MME: variants seen among roughly 807,000 people sequenced by gnomAD.
The protein encoded by MME is membrane metalloendopeptidase.
Under a neutral mutation model 113.2 loss-of-function variants are expected in MME, and 98 were observed. The ratio of observed to expected loss-of-function variants is 0.87; its 90% CI spans 0.74 to 1.02. MME has a LOEUF of 1.02. Among genes scored for constraint, MME ranks in the 50% least tolerant of loss-of-function variants. MME has a pLI of 0.00. For synonymous variants in MME, 292 were observed against 300.6 expected (o/e 0.97, Z 0.30); for missense variants, 836 against 896.0 (o/e 0.93, Z 0.86).
chr3:155,084,000 T>G (rs1369993649), intron 1 of MME, 158 bp from the exon 2 acceptor site: 5 of 659,008 alleles, frequency 7.6e-6, no homozygotes, highest in African/African-American at 1.8e-5. Context: ...CTCTATATAC[T>G]TTGCATTCAG....
chr3:155,143,714 T>C, intron 13 of MME, 143 bp downstream of exon 13: 1 of 1,005,286 alleles, frequency 9.9e-7, no homozygotes, highest in Non-Finnish European at 1.5e-6. Flanking sequence ...TATGCCATTG[T>C]TTCCCAATAA....
At chr3:155,075,127 A>G (rs1220894627), upstream of MME, among the ~76,000 whole-genome samples, 1 of 151,792 alleles carries the variant, frequency 6.6e-6, no homozygotes, top group Non-Finnish European at 1.5e-5. Flanking sequence ...ATTTACTTAA[A>G]ATTTATGATA....
At chr3:155,031,911 G>A (rs936790126) in intron 1 of MME, among the ~76,000 whole-genome samples, 3 of 152,134 alleles carry the variant, frequency 2.0e-5, no homozygotes, top group African/African-American at 7.2e-5. Context: ...CGTCCGCTTT[G>A]GCCTCCCAAA....
chr3:155,079,639 T>C (rs9809268), upstream of MME: 12 of 89,818 alleles, frequency 1.3e-4, 1 homozygote, highest in East Asian at 6.8e-4. Flanking sequence ...GTGGGGGGGG[T>C]GGGCCGTGAG....
At chr3:155,133,232 G>C (rs1720311625) in intron 8 of MME, among the ~76,000 whole-genome samples, 1 of 151,458 alleles carries the variant, frequency 6.6e-6, no homozygotes, top group East Asian at 1.9e-4. Flanking sequence ...TCTGACACCA[G>C]ATAAATTTGG....
intron 1 of MME, among the ~76,000 whole-genome samples, chr3:155,024,555 G>A (rs983607865): frequency 6.6e-6 from 1 of 152,136 alleles, no homozygotes; most frequent in Admixed American, 6.6e-5. Flanking sequence ...GGACAATAAA[G>A]TTGTAAATAA....
At chr3:155,132,972 C>T (rs1469144617) in intron 8 of MME, among the ~76,000 whole-genome samples, 2 of 140,330 alleles carry the variant, frequency 1.4e-5, no homozygotes, top group African/African-American at 2.6e-5. Context: ...ACCCAGGACG[C>T]GGAGGTTGCA....
intron 1 of MME, among the ~76,000 whole-genome samples, chr3:155,047,629 T>C (rs1713605627): frequency 6.6e-6 from 1 of 152,198 alleles, no homozygotes; most frequent in Admixed American, 6.5e-5. Flanking sequence ...TTATATTAGC[T>C]GCATTAAAGT....
intron 3 of MME, among the ~76,000 whole-genome samples, chr3:155,096,568 G>A (rs1427776600): frequency 2.0e-5 from 3 of 152,142 alleles, no homozygotes; most frequent in East Asian, 1.9e-4. Context: ...TTTAAATGAC[G>A]CATGACTTTA....
Position 155,160,370 on chromosome 3 carries a change from A to G in MME, c.1602-20A>G, listed in dbSNP as rs201285571. 2.4e-6 allele frequency: 2 copies of G among 844,472 alleles called. No homozygotes were observed. The highest frequency in any genetic ancestry group is 2.4e-5 in the Admixed American group (1 of 42,530). 52.3% of individuals were successfully genotyped at this position (844,472 alleles called of 1,614,324 possible). On this transcript the variant is annotated intron_variant, in intron 16 of 22. Transcript: ENST00000360490. The stretch of plus-strand genomic sequence containing the variant: ...AGATAATGCAGTATCATTTGTAAAG[A>G]GTTCTTATGTTTTCTACAGGTGGAT...
rs1475669573 is a variant in MME at position 155,180,485 on chromosome 3, T to C, written c.*26T>C. ...TCTTCAAAAGAAGCATTGCAGCCCT[T>C]GGCTAGACTTGCCAACACCACAGAA... On this transcript the variant is annotated 3_prime_UTR_variant, in exon 23 of 23. Transcript: ENST00000360490. 1.3e-6 allele frequency: 2 copies of C among 1,559,948 alleles called. No individual in the cohort carries two copies. The highest frequency in any genetic ancestry group is 2.2e-5 in the East Asian group (1 of 44,482).
intron 1 of MME, among the ~76,000 whole-genome samples, chr3:155,051,742 AC>A (rs1291411066): frequency 6.6e-6 from 1 of 152,144 alleles, no homozygotes; most frequent in East Asian, 1.9e-4. Flanking sequence ...ACAAAGCCTA[AC>A]CATATCATTC....
At chr3:155,138,872 A>T (rs2108305004) in intron 9 of MME, among the ~76,000 whole-genome samples, 1 of 152,158 alleles carries the variant, frequency 6.6e-6, no homozygotes, top group Admixed American at 6.6e-5. Context: ...AAGTGAGTGA[A>T]CTCTGAGTCT....
intron 14 of MME, among the ~76,000 whole-genome samples, chr3:155,146,865 T>C (rs532676185): frequency 2.0e-5 from 3 of 152,240 alleles, no homozygotes; most frequent in East Asian, 3.9e-4. Context: ...GTACAAAATA[T>C]GTGGAACAAT....
intron 12 of MME, 79 bp downstream of exon 12, chr3:155,142,409 C>A: frequency 8.5e-7 from 1 of 1,177,632 alleles, no homozygotes; most frequent in Non-Finnish European, 1.3e-6. Context: ...ATGTACACTG[C>A]TAGGACATGG....
chr3:155,057,065 G>C (rs189821582), intron 1 of MME, among the ~76,000 whole-genome samples: 1 of 152,108 alleles, frequency 6.6e-6, no homozygotes, highest in South Asian at 2.1e-4. Context: ...CACACCAAAA[G>C]CAATGGCAAT....
chr3:155,169,844 A>G (rs1711714244), intron 20 of MME, among the ~76,000 whole-genome samples: 2 of 152,234 alleles, frequency 1.3e-5, no homozygotes, highest in South Asian at 4.2e-4. Context: ...AGGGAAGAGG[A>G]AGCACCAGAG....
intron 3 of MME, among the ~76,000 whole-genome samples, chr3:155,108,855 T>G (rs1452289551): frequency 1.3e-5 from 2 of 152,154 alleles, no homozygotes; most frequent in Non-Finnish European, 2.9e-5. Context: ...AATCCTATTT[T>G]CAGTTAGCAA....
At chr3:155,062,964 G>T (rs1220344712) in intron 1 of MME, among the ~76,000 whole-genome samples, 1 of 148,930 alleles carries the variant, frequency 6.7e-6, no homozygotes, top group African/African-American at 2.5e-5. Context: ...GAACCCGGGA[G>T]GTGGAGGTTG....
Sources: allele counts gnomAD v4.1 joint callset (sites outside exome capture counted in the v4.1 genomes callset), GRCh38; gene constraint gnomAD v4.1.1; transcripts MANE v1.5; gene names NCBI Gene and HGNC (gene_info 2026-07-23, HGNC 2026-07-21).